The following PANX1 variants were observed in gnomAD, a reference collection of about 807,000 sequenced individuals.
PANX1 encodes pannexin 1.
PANX1 carries 30 observed loss-of-function variants against 38.7 expected under a neutral mutation model. The ratio of observed to expected loss-of-function variants is 0.78; its 90% CI spans 0.58 to 1.05. The LOEUF (loss-of-function observed/expected upper bound fraction) is 1.05, where lower values mean the gene tolerates loss of function less well. Ranked by LOEUF, PANX1 falls within the 50% of genes least tolerant of loss-of-function variation. The pLI is 0.00. For synonymous variants in PANX1, 230 were observed against 212.2 expected (o/e 1.08, Z -0.73); for missense variants, 551 against 517.2 (o/e 1.07, Z -0.63).
chr11:94,172,258 C>G (rs1266545939), intron 2 of PANX1, among the ~76,000 whole-genome samples: 1 of 151,590 alleles, frequency 6.6e-6, no homozygotes, highest in Non-Finnish European at 1.5e-5. Context: ...CCAGGAGATT[C>G]TGATGTGAGC....
intron 1 of PANX1, among the ~76,000 whole-genome samples, chr11:94,135,200 C>A (rs1489855109): frequency 6.6e-6 from 1 of 152,186 alleles, no homozygotes; most frequent in Non-Finnish European, 1.5e-5. Flanking sequence ...GACCCTGCCT[C>A]CCTCACCCAC....
intron 1 of PANX1, among the ~76,000 whole-genome samples, chr11:94,142,485 C>T (rs1037486467): frequency 1.3e-5 from 2 of 152,206 alleles, no homozygotes; most frequent in Non-Finnish European, 2.9e-5. Context: ...ACACAGTGGT[C>T]TGCTTCCTGT....
intron 2 of PANX1, among the ~76,000 whole-genome samples, chr11:94,154,638 A>G (rs1373993500): frequency 6.6e-6 from 1 of 152,192 alleles, no homozygotes; most frequent in African/African-American, 2.4e-5. Flanking sequence ...TAAGGGAGCT[A>G]TGACTCAGGC....
Position 94,180,100 on chromosome 11 carries a change from T to C in PANX1, c.1044T>C (p.Leu348=), listed in dbSNP as rs142555858. 2 of 1,614,052 alleles carry C rather than the reference T, an allele frequency of 1.2e-6. No homozygotes were observed. Among genetic ancestry groups the C allele is most frequent in the Non-Finnish European group, 8.5e-7 (1 of 1,179,980 alleles). The change falls in exon 4 of 5, where the codon CTT becomes CTC. Residue 348 remains leucine, a synonymous_variant. Coordinates refer to ENST00000227638, the MANE Select transcript of PANX1 (RefSeq NM_015368.4). Reference sequence around the variant, plus strand: ...GTGAGGTCAAGTCATACAAGTGTCTTAAGGTACTGGAGAATATTAAGAGCA... The same window carrying C: ...GTGAGGTCAAGTCATACAAGTGTCTCAAGGTACTGGAGAATATTAAGAGCA... ...NISEVKSYKC[L]KVLENIKSSG...
chr11:94,130,167 C>G (rs1946611178), intron 1 of PANX1, among the ~76,000 whole-genome samples: 1 of 152,186 alleles, frequency 6.6e-6, no homozygotes, highest in African/African-American at 2.4e-5. Flanking sequence ...GCCTTACCTT[C>G]CTCATCAGCT....
chr11:94,165,024 G>T (rs1224094454), intron 2 of PANX1, among the ~76,000 whole-genome samples: 1 of 152,050 alleles, frequency 6.6e-6, no homozygotes, highest in Admixed American at 6.6e-5. Flanking sequence ...TGTTTGCATG[G>T]AATATATTTT....
At chr11:94,172,830 T>C (rs1947183660) in intron 2 of PANX1, among the ~76,000 whole-genome samples, 1 of 151,708 alleles carries the variant, frequency 6.6e-6, no homozygotes, top group African/African-American at 2.4e-5. Context: ...TGTCACTTGG[T>C]TCTACTTATC....
Position 94,140,043 on chromosome 11 carries a change from A to G in PANX1, c.181+10550A>G, listed in dbSNP as rs558717584. Among the ~76,000 whole-genome samples the G allele has an allele frequency of 7.9e-5, 12 of 152,372 alleles. No homozygotes were observed. In the South Asian group the frequency reaches 1.9e-3, roughly 24 times the overall value. On this transcript the variant is annotated intron_variant, in intron 1 of 4. Coordinates refer to ENST00000227638, the MANE Select transcript of PANX1 (RefSeq NM_015368.4). ...TTGTAATTGTGGGAAGCTGTAATAA[A>G]TAATGGATGGGCTAAATAGAGTAGA... is the stretch of plus-strand genomic sequence containing the variant.
chr11:94,177,520 C>A (rs532026936), intron 2 of PANX1, among the ~76,000 whole-genome samples: 1 of 152,250 alleles, frequency 6.6e-6, no homozygotes, highest in African/African-American at 2.4e-5. Flanking sequence ...GACATGATTG[C>A]CCAAGGCCGC....
chr11:94,167,239 GGGT>G (rs1947112353), intron 2 of PANX1, among the ~76,000 whole-genome samples: 1 of 152,170 alleles, frequency 6.6e-6, no homozygotes. Flanking sequence ...TTTAGGGGAG[GGGT>G]GGTGTAAGCA....
At chr11:94,158,174 G>A (rs1442854035) in intron 2 of PANX1, among the ~76,000 whole-genome samples, 1 of 152,154 alleles carries the variant, frequency 6.6e-6, no homozygotes, top group East Asian at 1.9e-4. Flanking sequence ...TTTGAAGTCA[G>A]GTAGCATGAT....
intron 2 of PANX1, among the ~76,000 whole-genome samples, chr11:94,173,711 C>T (rs1947195559): frequency 6.6e-6 from 1 of 151,628 alleles, no homozygotes; most frequent in African/African-American, 2.4e-5. Flanking sequence ...GGTCTCTCTC[C>T]TTCCCATGTG....
At chr11:94,154,973 A>T (rs537627562) in intron 2 of PANX1, among the ~76,000 whole-genome samples, 2 of 152,334 alleles carry the variant, frequency 1.3e-5, no homozygotes, top group Admixed American at 6.5e-5. Flanking sequence ...AAGGTGGGTG[A>T]GGTGGGCGGA....
intron 1 of PANX1, among the ~76,000 whole-genome samples, chr11:94,148,181 A>G (rs1946848666): frequency 6.6e-6 from 1 of 152,248 alleles, no homozygotes; most frequent in African/African-American, 2.4e-5. Flanking sequence ...AGAAAAGTGA[A>G]GGCAGTAATG....
At chr11:94,153,843 C>A (rs1383440335) in intron 2 of PANX1, among the ~76,000 whole-genome samples, 2 of 152,184 alleles carry the variant, frequency 1.3e-5, no homozygotes, top group African/African-American at 4.8e-5. Context: ...GGGAAGTGTT[C>A]TTTGAGTTTT....
At chr11:94,158,528 C>G (rs1257411220) in intron 2 of PANX1, among the ~76,000 whole-genome samples, 1 of 151,756 alleles carries the variant, frequency 6.6e-6, no homozygotes, top group Non-Finnish European at 1.5e-5. Context: ...TGGGAGTTCA[C>G]TCATGATTTG....
In PANX1 at chr11:94,180,020, T is replaced by C. The variant is rs545913657; in HGVS notation, c.964T>C (p.Ser322Pro). Reference protein sequence around the residue: ...LPTFDVLHFKSEGYNDLSLYN... With the variant: ...LPTFDVLHFKPEGYNDLSLYN... ...CACTTTTGATGTTCTGCATTTCAAA[T>C]CTGAAGGGTACAACGATTTGAGCCT... The change falls in exon 4 of 5, where the codon TCT (serine) becomes CCT (proline). Residue 322 changes from serine to proline, a missense_variant. Physicochemically the swap from Ser to Pro is moderately conservative, Grantham distance 74. Coordinates refer to ENST00000227638, the MANE Select transcript of PANX1 (RefSeq NM_015368.4). The C allele has an allele frequency of 6.2e-7, 1 of 1,601,474 alleles. No homozygotes were observed. Among genetic ancestry groups the C allele is most frequent in the African/African-American group, 1.3e-5 (1 of 74,684 alleles).
intron 2 of PANX1, among the ~76,000 whole-genome samples, chr11:94,170,806 G>A (rs143198285): frequency 0.014 from 2,113 of 151,802 alleles, 37 homozygotes; most frequent in Middle Eastern, 0.031. Context: ...GAGAATTCTG[G>A]ACTGTAGCCT....
intron 2 of PANX1, among the ~76,000 whole-genome samples, chr11:94,155,058 T>C (rs991813477): frequency 1.3e-5 from 2 of 151,752 alleles, no homozygotes; most frequent in African/African-American, 2.4e-5. Context: ...ATACAAAAAT[T>C]AACCAGGCGT....
Sources: allele counts gnomAD v4.1 joint callset (sites outside exome capture counted in the v4.1 genomes callset), GRCh38; gene constraint gnomAD v4.1.1; transcripts MANE v1.5; gene names NCBI Gene and HGNC (gene_info 2026-07-23, HGNC 2026-07-21).